PRKCA: variants seen among roughly 807,000 people sequenced by gnomAD.
PRKCA encodes protein kinase C alpha type.
In PRKCA, 27 loss-of-function variants were observed where a neutral mutation model predicts 87.0. The ratio of observed to expected loss-of-function variants is 0.31; its 90% CI spans 0.23 to 0.43. The LOEUF (loss-of-function observed/expected upper bound fraction) is 0.43, where lower values mean the gene tolerates loss of function less well. Among genes scored for constraint, PRKCA ranks in the 20% least tolerant of loss-of-function variants. The pLI, the probability that PRKCA is intolerant of heterozygous loss-of-function variation, is 1.00. For missense variants in PRKCA, 518 were observed against 852.3 expected (o/e 0.61, Z 4.88); for synonymous variants, 329 against 311.1 (o/e 1.06, Z -0.61).
intron 8 of PRKCA, among the ~76,000 whole-genome samples, chr17:66,731,567 G>A (rs997671337): frequency 1.3e-5 from 2 of 151,868 alleles, no homozygotes; most frequent in Non-Finnish European, 2.9e-5. Flanking sequence ...GGGCTCCTTC[G>A]GTGACAGTGA....
chr17:66,595,313 G>T (rs62071751), intron 3 of PRKCA, among the ~76,000 whole-genome samples: 1 of 151,916 alleles, frequency 6.6e-6, no homozygotes. Context: ...GATTACAGGT[G>T]TGAGCCACTG....
chr17:66,377,347 C>T (rs919118695), intron 2 of PRKCA, among the ~76,000 whole-genome samples: 9 of 151,720 alleles, frequency 5.9e-5, no homozygotes, highest in African/African-American at 2.2e-4. Flanking sequence ...GATTTTAGAG[C>T]GTTGTCAATC....
intron 3 of PRKCA, among the ~76,000 whole-genome samples, chr17:66,610,936 T>TACA (rs1480340247): frequency 6.6e-6 from 1 of 151,996 alleles, no homozygotes; most frequent in Non-Finnish European, 1.5e-5. Context: ...GAAACGAGAG[T>TACA]ACAAGGAAGT....
At chr17:66,377,703 A>T (rs542687902) in intron 2 of PRKCA, among the ~76,000 whole-genome samples, 6,248 of 64,726 alleles carry the variant, frequency 0.097, 235 homozygotes, top group African/African-American at 0.18. Flanking sequence ...TCTATGTTTT[A>T]TATATATATA....
chr17:66,548,678 G>A (rs1968225670), intron 3 of PRKCA, among the ~76,000 whole-genome samples: 1 of 152,086 alleles, frequency 6.6e-6, no homozygotes, highest in South Asian at 2.1e-4. Context: ...TATCTGCATG[G>A]GCCCTAAATG....
At chr17:66,778,516 A>C (rs1975119919) in intron 14 of PRKCA, among the ~76,000 whole-genome samples, 1 of 151,744 alleles carries the variant, frequency 6.6e-6, no homozygotes, top group Admixed American at 6.6e-5. Flanking sequence ...ACTCCATCTC[A>C]AAAAAATAAA....
At chr17:66,688,054 A>T (rs372522659) in intron 6 of PRKCA, among the ~76,000 whole-genome samples, 5 of 152,344 alleles carry the variant, frequency 3.3e-5, no homozygotes, top group African/African-American at 1.2e-4. Context: ...ATGTAAACAG[A>T]TAGCCATGGC....
At chr17:66,555,402 G>A (rs1231545871) in intron 3 of PRKCA, among the ~76,000 whole-genome samples, 1 of 152,104 alleles carries the variant, frequency 6.6e-6, no homozygotes, top group Non-Finnish European at 1.5e-5. Context: ...ATGCTTTTCT[G>A]TCATATTGCA....
chr17:66,775,659 G>T (rs1246886626), intron 14 of PRKCA: 1 of 985,336 alleles, frequency 1.0e-6, no homozygotes, highest in East Asian at 1.1e-4. Flanking sequence ...GCCATGCTGT[G>T]CGACAGAGCC....
intron 8 of PRKCA, among the ~76,000 whole-genome samples, chr17:66,707,790 T>A (rs1298478918): frequency 6.6e-6 from 1 of 152,084 alleles, no homozygotes; most frequent in Non-Finnish European, 1.5e-5. Flanking sequence ...GAGGGAAGCT[T>A]ACACCCTGTC....
At chr17:66,387,805 C>T (rs541484578) in intron 2 of PRKCA, among the ~76,000 whole-genome samples, 53 of 152,174 alleles carry the variant, frequency 3.5e-4, no homozygotes, top group Non-Finnish European at 6.0e-4. Flanking sequence ...GACCGGAAGC[C>T]GGAGGAGGCC....
chr17:66,308,280 T>C (rs1456180081), intron 2 of PRKCA, among the ~76,000 whole-genome samples: 1 of 152,178 alleles, frequency 6.6e-6, no homozygotes, highest in Non-Finnish European at 1.5e-5. Context: ...TTCCTCTTCA[T>C]TTTTACCAGT....
At chr17:66,698,100 T>A (rs1555636993) in intron 8 of PRKCA, among the ~76,000 whole-genome samples, 1 of 152,158 alleles carries the variant, frequency 6.6e-6, no homozygotes, top group Non-Finnish European at 1.5e-5. Flanking sequence ...GTGAAGGCAT[T>A]TCTCTCCTGA....
chr17:66,629,646 C>A (rs994187096), intron 3 of PRKCA, among the ~76,000 whole-genome samples: 11 of 152,082 alleles, frequency 7.2e-5, no homozygotes, highest in African/African-American at 2.7e-4. Flanking sequence ...GGTATTGGAA[C>A]TAACCAAGTC....
At chr17:66,669,775 G>T (rs568999963) in intron 5 of PRKCA, among the ~76,000 whole-genome samples, 3 of 152,202 alleles carry the variant, frequency 2.0e-5, no homozygotes, top group African/African-American at 7.2e-5. Flanking sequence ...GGTGATGGGC[G>T]CCTGTAGTCC....
intron 3 of PRKCA, among the ~76,000 whole-genome samples, chr17:66,508,855 T>G (rs1917091244): frequency 6.6e-6 from 1 of 152,180 alleles, no homozygotes. Flanking sequence ...TGTTGTTGTT[T>G]TTGTTTTTTA....
chr17:66,531,189 C>T (rs1967523188), intron 3 of PRKCA, among the ~76,000 whole-genome samples: 1 of 152,198 alleles, frequency 6.6e-6, no homozygotes, highest in African/African-American at 2.4e-5. Context: ...GAGGCCCCAG[C>T]AGGACTCCTG....
At chr17:66,746,750 A>G (rs930747356) in intron 13 of PRKCA, among the ~76,000 whole-genome samples, 6 of 152,206 alleles carry the variant, frequency 3.9e-5, no homozygotes, top group African/African-American at 1.4e-4. Flanking sequence ...AATGATTCCT[A>G]AAGCTGACAC....
At chr17:66,327,366 CAA>C (rs769256839) in intron 2 of PRKCA, among the ~76,000 whole-genome samples, 18,356 of 79,748 alleles carry the variant, frequency 0.23, 1,427 homozygotes, top group Non-Finnish European at 0.3. Context: ...AACTCTGTCT[CAA>C]AAAAAAAAAA....
Sources: gnomAD v4.1 joint callset for allele counts (sites outside exome capture counted in the v4.1 genomes callset) on GRCh38, gnomAD v4.1.1 for gene constraint, MANE v1.5 for transcripts, NCBI Gene and HGNC (gene_info 2026-07-23, HGNC 2026-07-21) for gene names.